The following GRM5 variants were observed in gnomAD, a reference collection of about 807,000 sequenced individuals.
The protein encoded by GRM5 is glutamate metabotropic receptor 5, also known as metabotropic glutamate receptor 5.
In GRM5, 19 loss-of-function variants were observed where a neutral mutation model predicts 83.1. The ratio of observed to expected loss-of-function variants is 0.23; its 90% CI spans 0.16 to 0.34. The LOEUF (loss-of-function observed/expected upper bound fraction) is 0.34. Among genes scored for constraint, GRM5 ranks in the 10% least tolerant of loss-of-function variants. The pLI is 1.00. For synonymous variants in GRM5, 675 were observed against 633.6 expected, an observed-to-expected ratio of 1.07 and a Z score of -0.98; for missense variants, 1,160 against 1,588.3, an observed-to-expected ratio of 0.73 and a Z score of 4.58.
intron 2 of GRM5, among the ~76,000 whole-genome samples, chr11:88,936,581 T>C (rs1362963871): frequency 1.3e-5 from 2 of 151,820 alleles, no homozygotes; most frequent in Non-Finnish European, 2.9e-5. Context: ...CAAGGAAAGC[T>C]GATAAAACTA....
chr11:88,991,464 T>C (rs1939968315), intron 2 of GRM5, among the ~76,000 whole-genome samples: 1 of 151,838 alleles, frequency 6.6e-6, no homozygotes, highest in African/African-American at 2.4e-5. Flanking sequence ...TTCAATGCCA[T>C]CCCCATCAAG....
chr11:88,724,567 G>GTACT (rs1283819759), intron 3 of GRM5, among the ~76,000 whole-genome samples: 1 of 152,118 alleles, frequency 6.6e-6, no homozygotes, highest in African/African-American at 2.4e-5. Flanking sequence ...ATATTAATAA[G>GTACT]TACTTACTTA....
chr11:88,718,736 T>G (rs1172321411), intron 3 of GRM5, among the ~76,000 whole-genome samples: 1 of 152,048 alleles, frequency 6.6e-6, no homozygotes, highest in East Asian at 1.9e-4. Flanking sequence ...ACATTCTGCA[T>G]GAAATTTTTC....
At chr11:88,981,391 T>A (rs982473350) in intron 2 of GRM5, among the ~76,000 whole-genome samples, 1 of 152,122 alleles carries the variant, frequency 6.6e-6, no homozygotes, top group Non-Finnish European at 1.5e-5. Context: ...ACTGTCCAGA[T>A]TAAAATAATA....
intron 3 of GRM5, among the ~76,000 whole-genome samples, chr11:88,694,618 A>G (rs781027531): frequency 4.6e-5 from 7 of 151,980 alleles, no homozygotes; most frequent in Non-Finnish European, 8.8e-5. Context: ...CCAAAAAATG[A>G]TATCTCTAAT....
intron 1 of GRM5, among the ~76,000 whole-genome samples, 173 bp downstream of exon 1, chr11:89,065,603 C>G (rs1011764480): frequency 2.0e-5 from 3 of 152,130 alleles, no homozygotes; most frequent in Non-Finnish European, 2.9e-5. Flanking sequence ...TCGTAGCGTT[C>G]CTGGCTCTAC....
chr11:88,722,867 ATT>A (rs1385539862), intron 3 of GRM5, among the ~76,000 whole-genome samples: 1 of 149,646 alleles, frequency 6.7e-6, no homozygotes, highest in East Asian at 2.0e-4. Flanking sequence ...ATACATTATT[ATT>A]GACTGAAGTC....
chr11:88,939,585 T>C (rs1938016676), intron 2 of GRM5, among the ~76,000 whole-genome samples: 2 of 151,846 alleles, frequency 1.3e-5, no homozygotes, highest in African/African-American at 4.8e-5. Context: ...ATGTACAGCA[T>C]TATCCTAAAC....
intron 7 of GRM5, 128 bp downstream of exon 7, chr11:88,590,473 C>T: frequency 1.4e-6 from 1 of 718,918 alleles, no homozygotes. Flanking sequence ...GCTTGTGTTC[C>T]CAAGGAAATT....
At chr11:88,922,576 T>C (rs1694209925) in intron 2 of GRM5, among the ~76,000 whole-genome samples, 1 of 152,020 alleles carries the variant, frequency 6.6e-6, no homozygotes. Context: ...AAAAATCAAA[T>C]CAAAATGGAT....
intron 2 of GRM5, among the ~76,000 whole-genome samples, chr11:89,024,511 G>A (rs1941079812): frequency 6.6e-6 from 1 of 152,186 alleles, no homozygotes; most frequent in Admixed American, 6.5e-5. Context: ...TTCAAATAAT[G>A]TAAGTTTTCA....
At chr11:88,560,867 T>A (rs1263695765) in intron 8 of GRM5, among the ~76,000 whole-genome samples, 1 of 152,210 alleles carries the variant, frequency 6.6e-6, no homozygotes, top group African/African-American at 2.4e-5. Flanking sequence ...TCAGTCAATG[T>A]CTGTGAATAA....
rs1250226972 is a variant in GRM5 at position 88,687,579 on chromosome 11, A to ATATATTATATATATAT, written c.912-34177_912-34176insATATATATATAATATA. Among the ~76,000 whole-genome samples, 67 of 46,836 alleles carry ATATATTATATATATAT rather than the reference A, an allele frequency of 1.4e-3. 8 individuals carry two copies. Among genetic ancestry groups the ATATATTATATATATAT allele is most frequent in the African/African-American group, 0.012 (60 of 5,118 alleles). 30.7% of individuals were successfully genotyped at this position (46,836 alleles called of 152,430 possible). A position where few individuals can be genotyped will look rare whatever the true frequency, so the allele number is the denominator to read the frequency against. On this transcript the variant is annotated intron_variant, in intron 3 of 9. Coordinates refer to ENST00000305447, the MANE Select transcript of GRM5 (RefSeq NM_001143831.3). ...ATATATATTATATATATATATATAT[A>ATATATTATATATATAT]ATATATATATATATATATTCTCCAC...
At chr11:88,774,668 G>T (rs890680420) in intron 3 of GRM5, among the ~76,000 whole-genome samples, 5 of 152,192 alleles carry the variant, frequency 3.3e-5, no homozygotes, top group Non-Finnish European at 4.4e-5. Flanking sequence ...AAGGGCTGTT[G>T]AATTTTGATG....
At chr11:88,744,011 C>T (rs1411367700) in intron 3 of GRM5, among the ~76,000 whole-genome samples, 1 of 152,120 alleles carries the variant, frequency 6.6e-6, no homozygotes, top group African/African-American at 2.4e-5. Context: ...AACAAGGCAA[C>T]TGTCCACAGA....
At chr11:89,043,748 AT>A (rs924324522) in intron 2 of GRM5, among the ~76,000 whole-genome samples, 53 of 152,122 alleles carry the variant, frequency 3.5e-4, no homozygotes, top group African/African-American at 1.2e-3. Flanking sequence ...GCTGGGCTCA[AT>A]TATGTGATTG....
At chr11:88,565,888 C>G (rs188111516) in intron 8 of GRM5, among the ~76,000 whole-genome samples, 8 of 152,266 alleles carry the variant, frequency 5.3e-5, no homozygotes, top group Admixed American at 1.3e-4. Context: ...GGATAAAATT[C>G]AACTATCCTC....
At chr11:88,904,004 G>A (rs1590952605) in intron 2 of GRM5, among the ~76,000 whole-genome samples, 2 of 152,262 alleles carry the variant, frequency 1.3e-5, no homozygotes, top group East Asian at 1.9e-4. Flanking sequence ...ATTATGAAAC[G>A]AATTGAAGAT....
At chr11:88,578,160 T>G (rs183888370) in intron 7 of GRM5, among the ~76,000 whole-genome samples, 6 of 152,104 alleles carry the variant, frequency 3.9e-5, no homozygotes, top group African/African-American at 1.4e-4. Context: ...TCTTAAATTG[T>G]CTGTAAGTAC....
Sources: allele counts gnomAD v4.1 joint callset (sites outside exome capture counted in the v4.1 genomes callset), GRCh38; gene constraint gnomAD v4.1.1; transcripts MANE v1.5; gene names NCBI Gene and HGNC (gene_info 2026-07-23, HGNC 2026-07-21).